GPATCH2: variants seen among roughly 807,000 people sequenced by gnomAD.
GPATCH2 encodes the protein G patch domain-containing protein 2.
GPATCH2 carries 51 observed loss-of-function variants against 58.0 expected under a neutral mutation model. The ratio of observed to expected loss-of-function variants is 0.88; its 90% CI spans 0.70 to 1.11. GPATCH2 has a LOEUF of 1.11. Among genes scored for constraint, GPATCH2 ranks in the 50% most tolerant of loss-of-function variants. GPATCH2 has a pLI of 0.00. For synonymous variants in GPATCH2, 222 were observed against 218.5 expected, an observed-to-expected ratio of 1.02 and a Z score of -0.14; for missense variants, 625 against 652.2, an observed-to-expected ratio of 0.96 and a Z score of 0.45.
intron 5 of GPATCH2, among the ~76,000 whole-genome samples, chr1:217,585,991 T>A (rs12021683): frequency 0.24 from 35,856 of 151,720 alleles, 5,541 homozygotes; most frequent in East Asian, 0.68. Context: ...AAATCTATAA[T>A]AAAAAATATG....
chr1:217,478,235 T>A (rs1350928174), intron 8 of GPATCH2, among the ~76,000 whole-genome samples: 2 of 152,136 alleles, frequency 1.3e-5, no homozygotes, highest in Non-Finnish European at 2.9e-5. Context: ...AATTCTTCAC[T>A]GCCCAGACAC....
rs183409580 is a variant in GPATCH2, at chr1:217,623,857, G to A, written c.57-3358C>T. Among the ~76,000 whole-genome samples the A allele has an allele frequency of 2.3e-3, 356 of 151,920 alleles. 2 individuals carry two copies. In the Middle Eastern group the frequency reaches 0.034, roughly 15 times the overall value. ...GCGGAGGTTGCAGTGAGCTGAGATC[G>A]CAACATTGCACTCCAGCCTGGGCGA... On this transcript the variant is annotated intron_variant, in intron 1 of 9. Transcript: ENST00000366935.
rs12029392 is a variant in GPATCH2 at position 217,452,888 on chromosome 1, C to G, written c.1278-3551G>C. Among the ~76,000 whole-genome samples, 27 of 152,280 alleles carry G rather than the reference C, an allele frequency of 1.8e-4. No homozygotes were observed. In the East Asian group the frequency reaches 5.2e-3, roughly 29 times the overall value. On this transcript the variant is annotated intron_variant, in intron 8 of 9. Transcript: ENST00000366935. ...CAGCTAGCTGTATATTTCAGTAATT[C>G]TATCAAGAATTGACTGTCTGCTACA...
intron 6 of GPATCH2, among the ~76,000 whole-genome samples, chr1:217,505,238 A>C (rs955109064): frequency 6.6e-6 from 1 of 152,206 alleles, no homozygotes; most frequent in Non-Finnish European, 1.5e-5. Flanking sequence ...TAAGCGTGGC[A>C]TATTATTTCA....
chr1:217,457,838 C>T (rs1660013697), intron 8 of GPATCH2, among the ~76,000 whole-genome samples: 1 of 152,162 alleles, frequency 6.6e-6, no homozygotes. Context: ...AATTAAAACT[C>T]ACAAGAGTCC....
At chr1:217,525,966 T>C (rs549979805) in intron 5 of GPATCH2, among the ~76,000 whole-genome samples, 1 of 152,330 alleles carries the variant, frequency 6.6e-6, no homozygotes, top group South Asian at 2.1e-4. Flanking sequence ...AAAATTTATT[T>C]TCTTTCCACA....
intron 5 of GPATCH2, among the ~76,000 whole-genome samples, chr1:217,576,465 G>A (rs545427570): frequency 3.9e-5 from 6 of 152,212 alleles, no homozygotes; most frequent in Admixed American, 6.5e-5. Flanking sequence ...AGAAACACAC[G>A]TATATTACTA....
At chr1:217,503,553 G>A (rs571343479) in intron 6 of GPATCH2, among the ~76,000 whole-genome samples, 14 of 152,210 alleles carry the variant, frequency 9.2e-5, no homozygotes, top group African/African-American at 3.1e-4. Flanking sequence ...CTAAGAAAAA[G>A]GGGAGTGAAA....
At chr1:217,610,477 A>G in intron 4 of GPATCH2, 77 bp from the exon 5 acceptor site, 1 of 844,088 alleles carries the variant, frequency 1.2e-6, no homozygotes, top group Non-Finnish European at 1.9e-6. Flanking sequence ...TCCTATCAAT[A>G]GAGAAAGAAA....
At chr1:217,534,462 G>A (rs542785398) in intron 5 of GPATCH2, among the ~76,000 whole-genome samples, 7 of 152,048 alleles carry the variant, frequency 4.6e-5, no homozygotes, top group African/African-American at 1.4e-4. Context: ...TAGTGAGCAT[G>A]GCCTTGATGG....
In GPATCH2 at chr1:217,611,064, A is replaced by G. The variant is rs1177040774; in HGVS notation, c.843T>C (p.Asp281=). 1 of 1,612,178 alleles carries G rather than the reference A, an allele frequency of 6.2e-7. No individual in the cohort carries two copies. Among genetic ancestry groups the G allele is most frequent in the Admixed American group, 1.7e-5 (1 of 59,748 alleles). The change falls in exon 4 of 10, where the codon GAT becomes GAC. Residue 281 remains aspartate (D), a synonymous_variant. Coordinates refer to ENST00000366935, the MANE Select transcript of GPATCH2 (RefSeq NM_018040.5). Reference sequence around the variant, plus strand: ...TTTCGTAGAACCAGTCACTCTGTTCATCATCACCTGTGCAAATACAAGAAA... The same window carrying G: ...TTTCGTAGAACCAGTCACTCTGTTCGTCATCACCTGTGCAAATACAAGAAA... The part of the protein sequence containing the change: ...FTNDEGRQGD[D]EQSDWFYEKE...
In GPATCH2 at chr1:217,514,807, A is replaced by C. The variant is rs1264836933; in HGVS notation, c.1166+15T>G. 7.2e-6 allele frequency: 9 copies of C among 1,250,674 alleles called. No individual in the cohort carries two copies. In the East Asian group the frequency reaches 1.9e-4, roughly 26 times the overall value. 77.5% of individuals were successfully genotyped at this position (1,250,674 alleles called of 1,614,324 possible). The stretch of plus-strand genomic sequence containing the variant: ...AATACTCCAATAAGGTTATATAAAC[A>C]CACTGAGTACTCACTCATGGTGATG... On this transcript the variant is annotated intron_variant, in intron 6 of 9. Coordinates refer to ENST00000366935, the MANE Select transcript of GPATCH2 (RefSeq NM_018040.5).
intron 5 of GPATCH2, among the ~76,000 whole-genome samples, chr1:217,585,252 G>A (rs2102753229): frequency 6.6e-6 from 1 of 151,906 alleles, no homozygotes; most frequent in Non-Finnish European, 1.5e-5. Flanking sequence ...TTCCACTGCT[G>A]AATTCCATAG....
chr1:217,609,366 T>C (rs1668516247), intron 5 of GPATCH2: 1 of 984,466 alleles, frequency 1.0e-6, no homozygotes, highest in Non-Finnish European at 1.2e-6. Flanking sequence ...AGCTTTCACA[T>C]GTTTCATTAA....
chr1:217,523,175 A>T (rs9724912), intron 5 of GPATCH2, among the ~76,000 whole-genome samples: 34,927 of 151,122 alleles, frequency 0.23, 4,737 homozygotes, highest in East Asian at 0.55. Flanking sequence ...TCAGTTTTTT[A>T]TTTTATTTTA....
chr1:217,488,270 C>T (rs1195770891), intron 8 of GPATCH2, among the ~76,000 whole-genome samples: 1 of 151,988 alleles, frequency 6.6e-6, no homozygotes, highest in African/African-American at 2.4e-5. Flanking sequence ...TTTCAGCTTG[C>T]TAATTTTGTG....
chr1:217,518,196 A>C (rs1663269356), intron 5 of GPATCH2, among the ~76,000 whole-genome samples: 1 of 152,138 alleles, frequency 6.6e-6, no homozygotes, highest in Non-Finnish European at 1.5e-5. Flanking sequence ...CCTAATTCTA[A>C]AAGATCACAT....
At chr1:217,560,932 T>C (rs1007423150) in intron 5 of GPATCH2, among the ~76,000 whole-genome samples, 11 of 152,234 alleles carry the variant, frequency 7.2e-5, no homozygotes, top group African/African-American at 2.2e-4. Context: ...AAAGTTGGCA[T>C]AGACAGTGGT....
At chr1:217,463,658 A>T in intron 8 of GPATCH2, among the ~76,000 whole-genome samples, 1 of 70,004 alleles carries the variant, frequency 1.4e-5, no homozygotes, top group South Asian at 5.1e-4. Flanking sequence ...AAAAAAAAAA[A>T]AAAAAAAAAA....
Sources: allele counts gnomAD v4.1 joint callset (sites outside exome capture counted in the v4.1 genomes callset), GRCh38; gene constraint gnomAD v4.1.1; transcripts MANE v1.5; gene names NCBI Gene and HGNC (gene_info 2026-07-23, HGNC 2026-07-21).